The following ENOX2 variants were observed in gnomAD, a reference collection of about 807,000 sequenced individuals.
ENOX2 encodes APK1 antigen.
In ENOX2, 36 loss-of-function variants were observed where a neutral mutation model predicts 45.0. That is an observed-to-expected ratio of 0.80 (90% CI 0.61 to 1.06). The LOEUF is 1.06. Among genes scored for constraint, ENOX2 ranks in the 50% least tolerant of loss-of-function variants. The pLI is 0.00. For synonymous variants in ENOX2, 174 were observed against 152.3 expected, an observed-to-expected ratio of 1.14 and a Z score of -1.05; for missense variants, 423 against 462.5, an observed-to-expected ratio of 0.91 and a Z score of 0.78.
chrX:130,684,881 T>A (rs2148169243), intron 5 of ENOX2, among the ~76,000 whole-genome samples: 1 of 111,355 alleles, frequency 9.0e-6, no homozygotes, highest in South Asian at 3.9e-4. Flanking sequence ...GGAGGATCAC[T>A]TGAGCCTAGG....
At chrX:130,749,848 TTTTC>T (rs1216023156) in intron 3 of ENOX2, among the ~76,000 whole-genome samples, 1 of 109,958 alleles carries the variant, frequency 9.1e-6, no homozygotes, top group African/African-American at 3.3e-5. Flanking sequence ...TTCTGTCTAT[TTTTC>T]TTTCTGTTTC....
intron 2 of ENOX2, among the ~76,000 whole-genome samples, chrX:130,824,247 T>C (rs1055084309): frequency 8.9e-6 from 1 of 111,827 alleles, no homozygotes; most frequent in Non-Finnish European, 1.9e-5. Flanking sequence ...CTTAACAAAA[T>C]TTTAAATGTA....
chrX:130,775,649 C>T (rs2039839169), intron 3 of ENOX2, among the ~76,000 whole-genome samples: 1 of 111,131 alleles, frequency 9.0e-6, no homozygotes, highest in South Asian at 3.8e-4. Context: ...CTCATCTCCA[C>T]AGGTGAGTAT....
chrX:130,815,183 A>T (rs1186077491), intron 2 of ENOX2, among the ~76,000 whole-genome samples: 3 of 111,936 alleles, frequency 2.7e-5, no homozygotes, highest in Non-Finnish European at 5.6e-5. Flanking sequence ...ATAAAGCATG[A>T]AGACAGATTA....
At chrX:130,703,835 C>T (rs1453148407) in intron 3 of ENOX2, among the ~76,000 whole-genome samples, 1 of 111,195 alleles carries the variant, frequency 9.0e-6, no homozygotes, top group African/African-American at 3.3e-5. Context: ...AAAAAGCAGA[C>T]TAGAGACACA....
intron 2 of ENOX2, among the ~76,000 whole-genome samples, chrX:130,838,223 A>G (rs2077959678): frequency 9.0e-6 from 1 of 111,563 alleles, no homozygotes; most frequent in Admixed American, 9.5e-5. Context: ...CTCTGCTAAA[A>G]ATACAAACAT....
At chrX:130,696,158 C>T (rs773165151) in intron 4 of ENOX2, among the ~76,000 whole-genome samples, 8 of 112,311 alleles carry the variant, frequency 7.1e-5, no homozygotes, top group Non-Finnish European at 1.5e-4. Context: ...TTTCAGTTCA[C>T]AAAGGTCCTC....
chrX:130,738,432 T>C (rs2038909260), intron 3 of ENOX2, among the ~76,000 whole-genome samples: 2 of 112,027 alleles, frequency 1.8e-5, no homozygotes, highest in Admixed American at 1.9e-4. Context: ...GGACAAGAAA[T>C]ATGGAGACTT....
At chrX:130,890,679 G>C (rs1183486950) in intron 2 of ENOX2, among the ~76,000 whole-genome samples, 2 of 112,818 alleles carry the variant, frequency 1.8e-5, no homozygotes, top group East Asian at 2.8e-4. Flanking sequence ...ACCAAACCCT[G>C]AGAGTCTAAT....
chrX:130,844,196 T>C (rs1423744319), intron 2 of ENOX2, among the ~76,000 whole-genome samples: 1 of 111,689 alleles, frequency 9.0e-6, no homozygotes, highest in African/African-American at 3.3e-5. Context: ...TAATCTCTTA[T>C]GGCTTGGCAA....
intron 2 of ENOX2, among the ~76,000 whole-genome samples, chrX:130,792,239 T>C (rs1223997514): frequency 3.6e-5 from 4 of 111,739 alleles, no homozygotes; most frequent in African/African-American, 9.8e-5. Context: ...CAACAGATAC[T>C]GGAGCTTACT....
At chrX:130,782,914 A>G (rs2076917610) in intron 3 of ENOX2, among the ~76,000 whole-genome samples, 1 of 111,476 alleles carries the variant, frequency 9.0e-6, no homozygotes, top group South Asian at 3.8e-4. Context: ...GAGAAATTGC[A>G]AGGGAGGCTA....
At chrX:130,815,081 C>T (rs1443110507) in intron 2 of ENOX2, among the ~76,000 whole-genome samples, 1 of 111,602 alleles carries the variant, frequency 9.0e-6, no homozygotes, top group Non-Finnish European at 1.9e-5. Context: ...AAAAACACAG[C>T]ACGAGAACTT....
chrX:130,745,743 C>G (rs1391544009), intron 3 of ENOX2, among the ~76,000 whole-genome samples: 5 of 111,866 alleles, frequency 4.5e-5, no homozygotes, highest in Non-Finnish European at 9.4e-5. Context: ...GGAGAGCTCT[C>G]AATGGAAGAG....
At chrX:130,739,040 T>G (rs1329851456) in intron 3 of ENOX2, among the ~76,000 whole-genome samples, 1 of 112,743 alleles carries the variant, frequency 8.9e-6, no homozygotes, top group Non-Finnish European at 1.9e-5. Flanking sequence ...CTGGAGTCCC[T>G]TCTACAGGGA....
intron 4 of ENOX2, among the ~76,000 whole-genome samples, chrX:130,690,731 T>C (rs5975221): frequency 0.4 from 43,162 of 109,189 alleles, 9,911 homozygotes; most frequent in African/African-American, 0.87. Flanking sequence ...TCAACCTAAA[T>C]GGCAGGAAAA....
intron 2 of ENOX2, among the ~76,000 whole-genome samples, chrX:130,817,632 G>A (rs2077513563): frequency 8.9e-6 from 1 of 112,139 alleles, no homozygotes. Context: ...ATCAATAAAT[G>A]TAATCCATCA....
chrX:130,889,608 G>A (rs1194582041), intron 2 of ENOX2, among the ~76,000 whole-genome samples: 3 of 111,165 alleles, frequency 2.7e-5, no homozygotes, highest in East Asian at 5.6e-4. Flanking sequence ...GGGGAGGGGT[G>A]GAGAAAAGAG....
intron 7 of ENOX2, 85 bp from the exon 8 acceptor site, chrX:130,667,827 A>C (rs1156393330): frequency 4.1e-6 from 3 of 734,921 alleles, no homozygotes; most frequent in Non-Finnish European, 5.9e-6. Context: ...GGGCATCATG[A>C]TTTTTGGCAG....
Sources: allele counts gnomAD v4.1 joint callset (sites outside exome capture counted in the v4.1 genomes callset), GRCh38; gene constraint gnomAD v4.1.1; transcripts MANE v1.5; gene names NCBI Gene and HGNC (gene_info 2026-07-23, HGNC 2026-07-21).